ZC3H13: variants seen among roughly 807,000 people sequenced by gnomAD.
The protein encoded by ZC3H13 is zinc finger CCCH domain-containing protein 13.
A neutral mutation model predicts 204.1 loss-of-function variants in ZC3H13; 64 were observed. The observed-to-expected ratio is 0.31, with a 90% CI of 0.26 to 0.39. The LOEUF (loss-of-function observed/expected upper bound fraction) is 0.39. ZC3H13 is among the 10% of genes least tolerant of loss of function. ZC3H13 has a pLI of 1.00. For synonymous variants in ZC3H13, 667 were observed against 693.7 expected, an observed-to-expected ratio of 0.96 and a Z score of 0.60; for missense variants, 1,833 against 2,082.7, an observed-to-expected ratio of 0.88 and a Z score of 2.33.
intron 8 of ZC3H13, among the ~76,000 whole-genome samples, chr13:45,994,257 TTTATG>T (rs2040173853): frequency 6.6e-6 from 1 of 152,198 alleles, no homozygotes; most frequent in Non-Finnish European, 1.5e-5. Context: ...TAATCAAACG[TTTATG>T]TTATCAGTAA....
chr13:46,019,615 C>G (rs1355959609), intron 5 of ZC3H13, among the ~76,000 whole-genome samples: 1 of 152,098 alleles, frequency 6.6e-6, no homozygotes, highest in African/African-American at 2.4e-5. Flanking sequence ...GCCCATCTTT[C>G]AGAACATCAA....
intron 4 of ZC3H13, among the ~76,000 whole-genome samples, chr13:46,032,596 T>A (rs1440719834): frequency 6.6e-6 from 1 of 152,180 alleles, no homozygotes; most frequent in East Asian, 1.9e-4. Context: ...CATTATGTAG[T>A]AAGATTATGT....
At chr13:46,050,999 G>A (rs2044368641) in intron 1 of ZC3H13, among the ~76,000 whole-genome samples, 1 of 152,140 alleles carries the variant, frequency 6.6e-6, no homozygotes, top group South Asian at 2.1e-4. Flanking sequence ...TATATGAGAT[G>A]GAGTTGGGAG....
intron 4 of ZC3H13, among the ~76,000 whole-genome samples, chr13:46,032,509 C>A (rs1305055575): frequency 6.6e-6 from 1 of 151,896 alleles, no homozygotes; most frequent in East Asian, 1.9e-4. Context: ...GGCAAAAAGA[C>A]AAGTTTGAAA....
chr13:46,014,586 C>CT (rs1234090484), intron 5 of ZC3H13, among the ~76,000 whole-genome samples: 3 of 152,190 alleles, frequency 2.0e-5, no homozygotes, highest in African/African-American at 7.2e-5. Context: ...CTCAAGCTGT[C>CT]TGAGACGTTT....
At chr13:45,998,648 CA>C (rs538785317) in intron 8 of ZC3H13, among the ~76,000 whole-genome samples, 19 of 140,640 alleles carry the variant, frequency 1.4e-4, no homozygotes, top group Non-Finnish European at 2.0e-4. Context: ...AACTCCGTCT[CA>C]AAAAAAAAAA....
At chr13:45,983,750 T>C (rs1566203509) in intron 10 of ZC3H13, among the ~76,000 whole-genome samples, 1 of 152,036 alleles carries the variant, frequency 6.6e-6, no homozygotes, top group Non-Finnish European at 1.5e-5. Context: ...TTTAACACTG[T>C]ATTGATAAAG....
intron 17 of ZC3H13, chr13:45,962,099 T>C: frequency 2.3e-6 from 2 of 866,520 alleles, no homozygotes; most frequent in Non-Finnish European, 1.4e-6. Flanking sequence ...CATAAATATT[T>C]ACTGAAAACC....
chr13:45,996,561 C>A (rs1353234798), intron 8 of ZC3H13, among the ~76,000 whole-genome samples: 1 of 152,164 alleles, frequency 6.6e-6, no homozygotes, highest in Non-Finnish European at 1.5e-5. Flanking sequence ...AATCTTTTGT[C>A]GTTCCACTCT....
intron 16 of ZC3H13, 48 bp from the exon 17 acceptor site, chr13:45,964,090 G>A (rs923580437): frequency 2.0e-6 from 3 of 1,530,756 alleles, no homozygotes; most frequent in Non-Finnish European, 2.7e-6. Flanking sequence ...AGAAATAGCA[G>A]TCTTGTTATC....
chr13:45,970,431 T>C lies in ZC3H13; in HGVS notation c.2503A>G (p.Arg835Gly), dbSNP rs901739000. ...TCACGCCGGCGCTTCGGGGACTGTC[T>C]AGGGCTGGGACTCCCTTCATTTCTA... is the stretch of plus-strand genomic sequence containing the variant. ...RYRNEGSPSP[R>G]QSPKRRREHS... The change falls in exon 13 of 19, where the codon AGA (arginine) becomes GGA (glycine). Residue 835 changes from arginine (R) to glycine (G), a missense_variant. By Grantham distance (125) the Arg-to-Gly change is moderately radical (BLOSUM62 -2). This residue lies in a region of ZC3H13 where 1,574 missense variants were observed against 1,757.2 expected (regional missense o/e 0.90). Coordinates refer to ENST00000679008, the MANE Select transcript of ZC3H13 (RefSeq NM_001330564.2). The C allele has an allele frequency of 4.3e-6, 7 of 1,613,698 alleles. No homozygotes were observed. The highest frequency in any genetic ancestry group is 5.9e-6 in the Non-Finnish European group (7 of 1,179,802).
At chr13:46,002,352 T>C (rs2040811296) in intron 8 of ZC3H13, among the ~76,000 whole-genome samples, 1 of 152,110 alleles carries the variant, frequency 6.6e-6, no homozygotes, top group Non-Finnish European at 1.5e-5. Context: ...TGGAAAACAG[T>C]AGGCAGGTTT....
intron 1 of ZC3H13, among the ~76,000 whole-genome samples, chr13:46,050,747 C>T (rs1452657399): frequency 2.0e-5 from 3 of 152,098 alleles, no homozygotes; most frequent in African/African-American, 7.2e-5. Flanking sequence ...CCAAATACAA[C>T]TGACAGAACT....
intron 8 of ZC3H13, among the ~76,000 whole-genome samples, chr13:45,990,282 C>T (rs2039877927): frequency 6.6e-6 from 1 of 152,108 alleles, no homozygotes; most frequent in Non-Finnish European, 1.5e-5. Flanking sequence ...GCAAAATCAC[C>T]CCCAGTTGAG....
In ZC3H13 at chr13:46,004,572, G is replaced by C. The variant is rs563410436; in HGVS notation, c.747-1236C>G. On this transcript the variant is annotated intron_variant, in intron 7 of 18. Transcript: ENST00000679008. ...AATTTTTTTTAAAAAAGCAGATTTA[G>C]GTAATCATTTTTATTGACTGTATAG... 6.6e-5 allele frequency among the ~76,000 whole-genome samples: 10 copies of C among 152,078 alleles called. No homozygotes were observed. In the East Asian group the frequency reaches 1.7e-3, roughly 26 times the overall value.
Position 46,051,419 on chromosome 13 carries a change from ATC to A in ZC3H13, c.-10+983_-10+984del, listed in dbSNP as rs758981138. On this transcript the variant is annotated intron_variant, in intron 1 of 18. Transcript: ENST00000679008. ...TTGCTAGTCTCTAGTTGAAACTGTC[ATC>A]TGTTATAATCTAAATAGTTCATTAA... 2.6e-5 allele frequency among the ~76,000 whole-genome samples: 4 copies of A among 152,308 alleles called. No individual in the cohort carries two copies. In the South Asian group the frequency reaches 6.2e-4, roughly 24 times the overall value.
At chr13:45,971,481 G>A (rs947646377) in intron 12 of ZC3H13, among the ~76,000 whole-genome samples, 6 of 151,948 alleles carry the variant, frequency 3.9e-5, no homozygotes, top group African/African-American at 1.5e-4. Flanking sequence ...GAATGAAACC[G>A]GATCCCTCTC....
chr13:45,985,820 A>T, intron 9 of ZC3H13, 59 bp from the exon 10 acceptor site: 1 of 1,437,352 alleles, frequency 7.0e-7, no homozygotes, highest in Non-Finnish European at 9.4e-7. Context: ...AGGAAACTAG[A>T]AAACATATTT....
rs978334597 is a variant in ZC3H13, at chr13:46,031,061, A to T, written c.340-10504T>A. Among the ~76,000 whole-genome samples the T allele has an allele frequency of 3.9e-5, 6 of 152,086 alleles. No homozygotes were observed. In the South Asian group the frequency reaches 1.2e-3, roughly 32 times the overall value. ...GCTATAGCAATCAAGACAGTGTGGG[A>T]CGGGCAAAAGAAATGACAAACAGAT... is the stretch of plus-strand genomic sequence containing the variant. On this transcript the variant is annotated intron_variant, in intron 4 of 18. Coordinates refer to ENST00000679008, the MANE Select transcript of ZC3H13 (RefSeq NM_001330564.2).
Sources: allele counts gnomAD v4.1 joint callset (sites outside exome capture counted in the v4.1 genomes callset), GRCh38; gene constraint gnomAD v4.1.1; regional missense constraint gnomAD v4.1.1; transcripts MANE v1.5; gene names NCBI Gene and HGNC (gene_info 2026-07-23, HGNC 2026-07-21).